The following PRKAR2A variants were observed in gnomAD, a reference collection of about 807,000 sequenced individuals.
The protein encoded by PRKAR2A is cAMP-dependent protein kinase type II-alpha regulatory subunit.
PRKAR2A carries 29 observed loss-of-function variants against 51.9 expected under a neutral mutation model. The observed-to-expected ratio is 0.56, with a 90% CI of 0.42 to 0.76. PRKAR2A has a LOEUF of 0.76. Among genes scored for constraint, PRKAR2A ranks in the 30% least tolerant of loss-of-function variants. PRKAR2A has a pLI of 0.00. For synonymous variants in PRKAR2A, 178 were observed against 186.2 expected (o/e 0.96, Z 0.36); for missense variants, 445 against 512.1 (o/e 0.87, Z 1.26).
At chr3:48,829,879 T>TACA (rs1559647006) in intron 1 of PRKAR2A, among the ~76,000 whole-genome samples, 3 of 98,764 alleles carry the variant, frequency 3.0e-5, no homozygotes, top group Non-Finnish European at 6.5e-5. Context: ...ATATTTTTTT[T>TACA]TTTTTTTTAA....
At chr3:48,797,574 C>G (rs2082516191) in intron 2 of PRKAR2A, among the ~76,000 whole-genome samples, 1 of 152,184 alleles carries the variant, frequency 6.6e-6, no homozygotes, top group Non-Finnish European at 1.5e-5. Context: ...CAGGACTCTC[C>G]CATCCCTGCC....
chr3:48,804,643 C>G (rs1468381469), intron 2 of PRKAR2A, among the ~76,000 whole-genome samples: 1 of 152,050 alleles, frequency 6.6e-6, no homozygotes, highest in Non-Finnish European at 1.5e-5. Context: ...GAGAAGACAG[C>G]AGGCAGTGGT....
chr3:48,758,237 A>T (rs1241089913), intron 8 of PRKAR2A, among the ~76,000 whole-genome samples: 3 of 141,598 alleles, frequency 2.1e-5, no homozygotes, highest in Non-Finnish European at 3.1e-5. Context: ...CAGCCTGGGC[A>T]AAAGAGTCAG....
chr3:48,754,831 G>A (rs1036448218), intron 9 of PRKAR2A, among the ~76,000 whole-genome samples: 6 of 150,410 alleles, frequency 4.0e-5, no homozygotes, highest in South Asian at 4.2e-4. Flanking sequence ...CACGAGAATC[G>A]ATTGAAACTA....
chr3:48,799,491 G>A (rs771551251), intron 2 of PRKAR2A, among the ~76,000 whole-genome samples: 3 of 152,080 alleles, frequency 2.0e-5, no homozygotes, highest in Non-Finnish European at 4.4e-5. Context: ...CCACAACACT[G>A]GATTTCTAAA....
intron 5 of PRKAR2A, among the ~76,000 whole-genome samples, chr3:48,776,235 G>GGA (rs1316406389): frequency 6.6e-6 from 1 of 152,020 alleles, no homozygotes; most frequent in Non-Finnish European, 1.5e-5. Flanking sequence ...TACCACTGAG[G>GGA]GAAACATAAA....
intron 1 of PRKAR2A, among the ~76,000 whole-genome samples, chr3:48,841,441 A>C (rs1227567743): frequency 2.0e-5 from 3 of 149,832 alleles, no homozygotes; most frequent in African/African-American, 4.9e-5. Context: ...GCTACTCGGA[A>C]GGCTGAGGTG....
At chr3:48,791,575 A>T (rs1470879299) in intron 3 of PRKAR2A, among the ~76,000 whole-genome samples, 4 of 122,958 alleles carry the variant, frequency 3.3e-5, no homozygotes, top group Non-Finnish European at 6.4e-5. Flanking sequence ...GCCTGGCGAC[A>T]GAGCAAGATT....
chr3:48,772,406 C>A (rs1215879962), intron 6 of PRKAR2A, among the ~76,000 whole-genome samples: 4 of 152,054 alleles, frequency 2.6e-5, no homozygotes, highest in Non-Finnish European at 5.9e-5. Flanking sequence ...ACGGTTTTAC[C>A]ATGTTGCTCA....
rs532225741 is a variant in PRKAR2A at position 48,818,891 on chromosome 3, CAT to C, written c.263-11209_263-11208del. 2.8e-3 allele frequency among the ~76,000 whole-genome samples: 427 copies of C among 152,258 alleles called. 3 individuals are homozygous for C. Among genetic ancestry groups the C allele is most frequent in the African/African-American group, 9.5e-3 (396 of 41,540 alleles). On this transcript the variant is annotated intron_variant, in intron 1 of 10. Coordinates refer to ENST00000265563, the MANE Select transcript of PRKAR2A (RefSeq NM_004157.4). The stretch of plus-strand genomic sequence containing the variant: ...TGAGACAGTAAAATGTTAGGGATAT[CAT>C]AGTTTTGTGGAGGGTTTGTTTGCTG...
chr3:48,755,309 T>C (rs1054079905), intron 9 of PRKAR2A, among the ~76,000 whole-genome samples: 1 of 152,032 alleles, frequency 6.6e-6, no homozygotes, highest in Non-Finnish European at 1.5e-5. Flanking sequence ...TATTAACTTT[T>C]ACTCAATATA....
chr3:48,794,153 TC>T, intron 2 of PRKAR2A, 104 bp from the exon 3 acceptor site: 8 of 899,192 alleles, frequency 8.9e-6, no homozygotes, highest in South Asian at 3.3e-5. Flanking sequence ...TGTTTTCTTT[TC>T]TTTTTTTTTT....
intron 2 of PRKAR2A, among the ~76,000 whole-genome samples, chr3:48,798,940 C>T (rs1048076205): frequency 1.3e-5 from 2 of 152,158 alleles, no homozygotes; most frequent in African/African-American, 2.4e-5. Context: ...GGATTACAGG[C>T]GTAAGCCCTC....
At chr3:48,801,412 C>T (rs915440576) in intron 2 of PRKAR2A, among the ~76,000 whole-genome samples, 4 of 152,068 alleles carry the variant, frequency 2.6e-5, no homozygotes, top group Non-Finnish European at 5.9e-5. Flanking sequence ...CTCAGCCTCC[C>T]GAAGTGCCGG....
At chr3:48,783,870 C>A (rs1021492205) in intron 4 of PRKAR2A, among the ~76,000 whole-genome samples, 1 of 152,090 alleles carries the variant, frequency 6.6e-6, no homozygotes, top group Non-Finnish European at 1.5e-5. Context: ...CGTGAGCCAC[C>A]ACGTCCGGTG....
In PRKAR2A at chr3:48,790,224, G is replaced by A. The variant is rs968000534; in HGVS notation, c.435+320C>T. 3.3e-5 allele frequency among the ~76,000 whole-genome samples: 5 copies of A among 152,126 alleles called. No homozygotes were observed. In the East Asian group the frequency reaches 7.7e-4, roughly 23 times the overall value. ...CAGCATGAGACTCATCACACTACTCGGAATGGCATGCCTTTTAAAACTTAG... is the reference window on the plus strand; with the variant it reads ...CAGCATGAGACTCATCACACTACTCAGAATGGCATGCCTTTTAAAACTTAG... On this transcript the variant is annotated intron_variant, in intron 4 of 10. Coordinates refer to ENST00000265563, the MANE Select transcript of PRKAR2A (RefSeq NM_004157.4).
intron 1 of PRKAR2A, among the ~76,000 whole-genome samples, chr3:48,832,662 A>G (rs1349401517): frequency 6.6e-6 from 1 of 152,284 alleles, no homozygotes; most frequent in African/African-American, 2.4e-5. Context: ...AAATTATTAC[A>G]AAACGATTTT....
At chr3:48,830,014 A>G (rs1272367473) in intron 1 of PRKAR2A, among the ~76,000 whole-genome samples, 4 of 150,026 alleles carry the variant, frequency 2.7e-5, no homozygotes, top group African/African-American at 9.8e-5. Flanking sequence ...CCTGGCTAAC[A>G]TGGAGAAACC....
chr3:48,751,156 C>A lies in PRKAR2A; in HGVS notation c.*429G>T. 2.8e-6 allele frequency: 1 copy of A among 360,008 alleles called. No individual in the cohort carries two copies. Among genetic ancestry groups the A allele is most frequent in the South Asian group, 2.1e-5 (1 of 46,534 alleles). The allele number at this position is 360,008 out of a possible 1,614,324, so 22.3% of individuals were successfully genotyped here. ...ATGAGGAGACTGAAGGCTACATTTC[C>A]TCCTTTGAGAACCATTAGAGAGTGT... On this transcript the variant is annotated 3_prime_UTR_variant, in exon 11 of 11. Coordinates refer to ENST00000265563, the MANE Select transcript of PRKAR2A (RefSeq NM_004157.4).
Sources: allele counts gnomAD v4.1 joint callset (sites outside exome capture counted in the v4.1 genomes callset), GRCh38; gene constraint gnomAD v4.1.1; transcripts MANE v1.5; gene names NCBI Gene and HGNC (gene_info 2026-07-23, HGNC 2026-07-21).